APP: variants seen among roughly 807,000 people sequenced by gnomAD.
The protein encoded by APP is amyloid-beta precursor protein.
A neutral mutation model predicts 101.4 loss-of-function variants in APP; 31 were observed. That is an observed-to-expected ratio of 0.31 (90% CI 0.23 to 0.41). The LOEUF (loss-of-function observed/expected upper bound fraction) is 0.41. Ranked by LOEUF, APP falls within the 10% of genes least tolerant of loss-of-function variation. The pLI, the probability that APP is intolerant of heterozygous loss-of-function variation, is 1.00. For synonymous variants in APP, 366 were observed against 364.4 expected, an observed-to-expected ratio of 1.00 and a Z score of -0.05; for missense variants, 839 against 1,003.7, an observed-to-expected ratio of 0.84 and a Z score of 2.22.
chr21:26,051,009 G>C lies in APP; in HGVS notation c.653C>G (p.Ala218Gly), dbSNP rs201250681. The change falls in exon 5 of 18, where the codon GCA becomes GGA. Residue 218 changes from alanine (A) to glycine (G), a missense_variant. Transcript: ENST00000346798. ...ACAAAGGCCACCTTACCTCCCATCTGCATAGTCTGTGTCTGCTCCGCCCCA... is the reference window on the plus strand; with the variant it reads ...ACAAAGGCCACCTTACCTCCCATCTCCATAGTCTGTGTCTGCTCCGCCCCA... ...VWWGGADTDY[A>G]DGSEDKVVEV... The C allele has an allele frequency of 1.2e-6, 2 of 1,614,108 alleles. No homozygotes were observed. The highest frequency in any genetic ancestry group is 1.1e-5 in the South Asian group (1 of 91,078).
Position 25,928,285 on chromosome 21 carries a change from C to T in APP, c.1688-16323G>A, listed in dbSNP as rs535544830. The stretch of plus-strand genomic sequence containing the variant: ...TGAACCTGGGAGGCGGAGCTTGCAG[C>T]GAGCCAAGATTGTGCCACTGCACTC... On this transcript the variant is annotated intron_variant, in intron 13 of 17. Transcript: ENST00000346798. Among the ~76,000 whole-genome samples, 193 of 152,102 alleles carry T rather than the reference C, an allele frequency of 1.3e-3. 1 individual carries two copies. Among genetic ancestry groups the T allele is most frequent in the African/African-American group, 4.0e-3 (168 of 41,492 alleles).
intron 1 of APP, among the ~76,000 whole-genome samples, chr21:26,117,040 C>A (rs1251922506): frequency 6.6e-6 from 1 of 152,112 alleles, no homozygotes; most frequent in African/African-American, 2.4e-5. Flanking sequence ...TGTGCCACCA[C>A]GCCCAGATAA....
At position 25,954,545 on chromosome 21, in the gene APP, G is replaced by A. The variant is rs2829997; in HGVS notation, c.1687+45C>T. 970,476 of 1,522,928 alleles carry A rather than the reference G, an allele frequency of 0.64. 318,308 individuals are homozygous for A. The highest frequency in any genetic ancestry group is 0.67 in the Non-Finnish European group (742,495 of 1,101,864). 94.3% of individuals were successfully genotyped at this position (1,522,928 alleles called of 1,614,324 possible). ...TCACTTCCTCAATTTTCCTCTGGGG[G>A]AAAATACATGTCCATGTGCAGCATC... On this transcript the variant is annotated intron_variant, in intron 13 of 17. Transcript: ENST00000346798.
At chr21:26,041,413 T>C (rs1049216849) in intron 5 of APP, among the ~76,000 whole-genome samples, 1 of 152,200 alleles carries the variant, frequency 6.6e-6, no homozygotes, top group African/African-American at 2.4e-5. Flanking sequence ...TGTATTTTCT[T>C]CCTCTTTTCC....
intron 3 of APP, among the ~76,000 whole-genome samples, chr21:26,087,970 T>C (rs1456606329): frequency 6.6e-6 from 1 of 152,212 alleles, no homozygotes; most frequent in Admixed American, 6.5e-5. Flanking sequence ...TTATTACTTG[T>C]TGTACTGTTC....
intron 1 of APP, among the ~76,000 whole-genome samples, chr21:26,124,559 A>C (rs891469202): frequency 6.6e-6 from 1 of 152,026 alleles, no homozygotes; most frequent in African/African-American, 2.4e-5. Context: ...TCGAATGTGC[A>C]ATCAACTATT....
intron 13 of APP, among the ~76,000 whole-genome samples, chr21:25,943,319 A>C (rs1783022): frequency 0.91 from 138,670 of 151,914 alleles, 63,327 homozygotes; most frequent in Non-Finnish European, 0.92. Context: ...CCACGCCTGG[A>C]TAATTTTGTA....
At chr21:25,962,837 TCACTCTGTCGCCCAGGCTGGAGTG>T (rs1437143965) in intron 11 of APP, among the ~76,000 whole-genome samples, 34 of 152,338 alleles carry the variant, frequency 2.2e-4, no homozygotes, top group Middle Eastern at 3.4e-3. Context: ...AGATGGAGTC[TCACTCTGTCGCCCAGGCTGGAGTG>T]CAGTGGTGCA....
At chr21:25,911,111 A>G (rs941448221) in intron 14 of APP, among the ~76,000 whole-genome samples, 6 of 152,262 alleles carry the variant, frequency 3.9e-5, no homozygotes, top group Admixed American at 2.6e-4. Context: ...TCCTACCAAA[A>G]GTCATCACTT....
intron 1 of APP, among the ~76,000 whole-genome samples, chr21:26,114,857 T>C (rs912247988): frequency 3.3e-5 from 5 of 152,220 alleles, no homozygotes; most frequent in Non-Finnish European, 2.9e-5. Flanking sequence ...TTTTTTCAAA[T>C]AAATTTATTA....
Position 25,897,639 on chromosome 21 carries a change from G to A in APP, c.1998C>T (p.Ile666=), listed in dbSNP as rs147868600. The A allele has an allele frequency of 6.2e-6, 10 of 1,613,818 alleles. No individual in the cohort carries two copies. In the African/African-American group the frequency reaches 1.3e-4, roughly 22 times the overall value. Residue 666 remains isoleucine (I), a synonymous_variant, in exon 16 of 18, where the codon ATC becomes ATT. Transcript: ENST00000346798. ...ATTCTGCATCCATCTTCACTTCAGA[G>A]ATCTCCTCCGTCTTGATATTTGTCA... ...SGLTNIKTEE[I]SEVKMDAEFR...
intron 17 of APP, among the ~76,000 whole-genome samples, chr21:25,889,548 G>C (rs780231382): frequency 6.6e-6 from 1 of 152,176 alleles, no homozygotes; most frequent in Non-Finnish European, 1.5e-5. Flanking sequence ...AAACTAAAAA[G>C]TGCTCTTGAA....
At chr21:26,128,940 G>A (rs888473711) in intron 1 of APP, among the ~76,000 whole-genome samples, 9 of 152,232 alleles carry the variant, frequency 5.9e-5, no homozygotes, top group Non-Finnish European at 1.3e-4. Context: ...AAGCCTTAAA[G>A]GGAACAAAAG....
At chr21:25,984,631 G>T (rs114395331) in intron 8 of APP, among the ~76,000 whole-genome samples, 1,633 of 152,186 alleles carry the variant, frequency 0.011, 26 homozygotes, top group African/African-American at 0.036. Context: ...TAATGATTAA[G>T]TTAAAAATAC....
chr21:26,127,579 T>C (rs2062710816), intron 1 of APP, among the ~76,000 whole-genome samples: 1 of 152,190 alleles, frequency 6.6e-6, no homozygotes, highest in African/African-American at 2.4e-5. Flanking sequence ...CTCAGGGGAC[T>C]TACAGCTGGG....
intron 3 of APP, among the ~76,000 whole-genome samples, chr21:26,055,413 TAAAACAAAAC>T (rs945143573): frequency 3.3e-5 from 5 of 152,048 alleles, no homozygotes; most frequent in Admixed American, 6.6e-5. Context: ...TAGAATGATA[TAAAACAAAAC>T]AAAACAAAAC....
At chr21:26,166,455 A>AT (rs1343226814) in intron 1 of APP, among the ~76,000 whole-genome samples, 5 of 152,102 alleles carry the variant, frequency 3.3e-5, no homozygotes, top group Non-Finnish European at 7.4e-5. Flanking sequence ...AAAGGAAAAG[A>AT]TTTTTTTATT....
intron 5 of APP, among the ~76,000 whole-genome samples, chr21:26,033,073 A>G (rs2044913979): frequency 6.6e-6 from 1 of 152,226 alleles, no homozygotes; most frequent in Admixed American, 6.5e-5. Flanking sequence ...CAAAGAAGGT[A>G]GCAAACAGGA....
intron 14 of APP, among the ~76,000 whole-genome samples, 155 bp from the exon 15 acceptor site, chr21:25,905,232 C>T (rs576376247): frequency 5.3e-5 from 8 of 152,238 alleles, no homozygotes; most frequent in South Asian, 4.2e-4. Flanking sequence ...GAGTTAATCC[C>T]GAGCATCGAG....
Sources: allele counts gnomAD v4.1 joint callset (sites outside exome capture counted in the v4.1 genomes callset), GRCh38; gene constraint gnomAD v4.1.1; transcripts MANE v1.5; gene names NCBI Gene and HGNC (gene_info 2026-07-23, HGNC 2026-07-21).